Variants in KAZN observed in about 807,000 individuals in gnomAD.
KAZN encodes kazrin.
Under a neutral mutation model 87.4 loss-of-function variants are expected in KAZN, and 40 were observed. The ratio of observed to expected loss-of-function variants is 0.46; its 90% CI spans 0.36 to 0.60. KAZN has a LOEUF of 0.60. Ranked by LOEUF, KAZN falls within the 20% of genes least tolerant of loss-of-function variation. The pLI, the probability that KAZN is intolerant of heterozygous loss-of-function variation, is 0.00. For missense variants in KAZN, 898 were observed against 1,073.9 expected, an observed-to-expected ratio of 0.84 and a Z score of 2.29; for synonymous variants, 466 against 458.3, an observed-to-expected ratio of 1.02 and a Z score of -0.22.
In KAZN at chr1:14,342,542, T is replaced by A. The variant is rs533238364; in HGVS notation, c.249+161950T>A. Reference sequence around the variant, plus strand: ...CATATCCTCAGTGCCTAGAACAATATCTTGCAGAGTAGGCCTTCAATAAAT... The same window carrying A: ...CATATCCTCAGTGCCTAGAACAATAACTTGCAGAGTAGGCCTTCAATAAAT... On this transcript the variant is annotated intron_variant, in intron 2 of 16. Coordinates refer to the KAZN transcript ENST00000636203. Among the ~76,000 whole-genome samples, 5 of 152,354 alleles carry A rather than the reference T, an allele frequency of 3.3e-5. No individual in the cohort carries two copies. In the South Asian group the frequency reaches 1.0e-3, roughly 32 times the overall value.
chr1:14,816,733 T>A (rs1210922283), intron 1 of KAZN, among the ~76,000 whole-genome samples: 1 of 152,218 alleles, frequency 6.6e-6, no homozygotes, highest in South Asian at 2.1e-4. Flanking sequence ...CATATCTAGA[T>A]AGATAAATAT....
At chr1:14,818,844 C>A (rs1394656106) in intron 1 of KAZN, among the ~76,000 whole-genome samples, 1 of 152,120 alleles carries the variant, frequency 6.6e-6, no homozygotes, top group Non-Finnish European at 1.5e-5. Context: ...CACTTGAGGT[C>A]AGCAGTTCAA....
intron 1 of KAZN, among the ~76,000 whole-genome samples, chr1:14,022,668 G>A (rs1191266049): frequency 6.6e-6 from 1 of 152,016 alleles, no homozygotes; most frequent in Non-Finnish European, 1.5e-5. Flanking sequence ...GGTCTCAAGT[G>A]GTCTCATTGA....
rs1553150560 is a variant in KAZN at position 14,883,341 on chromosome 1, A to AGAGAGAGAAAGAAAGAAAG, written c.227-77341_227-77340insGAGAGAAAGAAAGAAAGGA. 7.1e-4 allele frequency among the ~76,000 whole-genome samples: 21 copies of AGAGAGAGAAAGAAAGAAAG among 29,542 alleles called. 5 individuals carry two copies. Among genetic ancestry groups the AGAGAGAGAAAGAAAGAAAG allele is most frequent in the Admixed American group, 1.4e-3 (3 of 2,094 alleles). The allele number at this position is 29,542 out of a possible 152,430, so 19.4% of individuals were successfully genotyped here. On this transcript the variant is annotated intron_variant, in intron 1 of 14. Transcript: ENST00000376030. Reference sequence around the variant, plus strand: ...GAAAGAGAGAGAGAGAGAGAGAGAGAGAAAGAAAGAAAGAAAAGAAAGAAA... The same window carrying AGAGAGAGAAAGAAAGAAAG: ...GAAAGAGAGAGAGAGAGAGAGAGAGAGAGAGAGAAAGAAAGAAAGGAAAGAAAGAAAGAAAAGAAAGAAA...
At chr1:14,704,624 C>T (rs1449892093) in intron 1 of KAZN, among the ~76,000 whole-genome samples, 2 of 152,196 alleles carry the variant, frequency 1.3e-5, no homozygotes, top group Non-Finnish European at 2.9e-5. Flanking sequence ...GTGGACATGA[C>T]ATCACGGGCT....
At chr1:14,991,174 G>A (rs950661790) in intron 2 of KAZN, among the ~76,000 whole-genome samples, 2 of 151,954 alleles carry the variant, frequency 1.3e-5, no homozygotes, top group African/African-American at 2.4e-5. Flanking sequence ...CCAAAATGGC[G>A]AAACCCCATC....
intron 1 of KAZN, among the ~76,000 whole-genome samples, chr1:14,630,318 G>A (rs1557849677): frequency 6.6e-6 from 1 of 152,236 alleles, no homozygotes; most frequent in South Asian, 2.1e-4. Flanking sequence ...GTGGATGGTG[G>A]GGGGAATTTA....
chr1:14,407,534 G>T (rs1402789134), intron 2 of KAZN, among the ~76,000 whole-genome samples: 2 of 152,164 alleles, frequency 1.3e-5, no homozygotes, highest in Admixed American at 1.3e-4. Context: ...AGTTGCAAGA[G>T]AAGATGTGAA....
At chr1:15,029,957 C>T (rs756390187) in intron 2 of KAZN, among the ~76,000 whole-genome samples, 1 of 152,180 alleles carries the variant, frequency 6.6e-6, no homozygotes, top group Admixed American at 6.5e-5. Context: ...CCTCCAGGAG[C>T]CACTCCCCAA....
chr1:14,361,378 G>C (rs2100980910), intron 2 of KAZN, among the ~76,000 whole-genome samples: 1 of 152,358 alleles, frequency 6.6e-6, no homozygotes, highest in South Asian at 2.1e-4. Context: ...GCTCTGTGGT[G>C]GTGGGACCTG....
chr1:14,039,169 CAAAAAAA>C (rs5772558), intron 1 of KAZN, among the ~76,000 whole-genome samples: 1 of 122,532 alleles, frequency 8.2e-6, no homozygotes, highest in Non-Finnish European at 1.8e-5. Context: ...GACTCTGTCT[CAAAAAAA>C]AAAAAAAAAA....
At chr1:14,499,165 G>A (rs576084188) in intron 2 of KAZN, among the ~76,000 whole-genome samples, 298 of 152,244 alleles carry the variant, frequency 2.0e-3, no homozygotes, top group African/African-American at 6.7e-3. Context: ...TGGACATCGG[G>A]TGACTGGAGT....
intron 2 of KAZN, among the ~76,000 whole-genome samples, chr1:14,556,334 C>T (rs1011004371): frequency 2.0e-5 from 3 of 152,078 alleles, no homozygotes; most frequent in Non-Finnish European, 2.9e-5. Context: ...TGGTCTCGAT[C>T]TCCTGACCTC....
At chr1:14,237,749 A>C (rs1359241175) in intron 2 of KAZN, among the ~76,000 whole-genome samples, 1 of 151,826 alleles carries the variant, frequency 6.6e-6, no homozygotes, top group African/African-American at 2.4e-5. Context: ...TGGGATTCCC[A>C]GTAGCTCATA....
chr1:14,018,851 T>A (rs1245584163), intron 1 of KAZN, among the ~76,000 whole-genome samples: 1 of 152,166 alleles, frequency 6.6e-6, no homozygotes, highest in Non-Finnish European at 1.5e-5. Flanking sequence ...CACCATTAGC[T>A]TCCCTGGCTC....
chr1:14,139,536 C>T (rs1048333703), intron 1 of KAZN, among the ~76,000 whole-genome samples: 10 of 152,188 alleles, frequency 6.6e-5, no homozygotes, highest in Admixed American at 1.3e-4. Context: ...CCTGGAGCTC[C>T]CAGCCCCATT....
intron 2 of KAZN, among the ~76,000 whole-genome samples, chr1:15,017,960 A>G (rs1207838186): frequency 2.6e-5 from 4 of 152,208 alleles, no homozygotes; most frequent in Non-Finnish European, 5.9e-5. Flanking sequence ...AAATTTTCAC[A>G]TATACTAACT....
At chr1:14,613,315 G>A (rs1158620108) in intron 1 of KAZN, among the ~76,000 whole-genome samples, 1 of 152,184 alleles carries the variant, frequency 6.6e-6, no homozygotes, top group Non-Finnish European at 1.5e-5. Context: ...ATAGTATGCC[G>A]CAAACTCCCA....
At position 14,950,466 on chromosome 1, in the gene KAZN, C is replaced by T. The variant is rs568520855; in HGVS notation, c.227-10218C>T. Reference sequence around the variant, plus strand: ...AGGGTCAGCCCCACAGAGGGAGTGACGCCAAGCCTAGGCTTACCTCTCCCC... The same window carrying T: ...AGGGTCAGCCCCACAGAGGGAGTGATGCCAAGCCTAGGCTTACCTCTCCCC... On this transcript the variant is annotated intron_variant, in intron 1 of 14. Coordinates refer to ENST00000376030, the MANE Select transcript of KAZN (RefSeq NM_201628.3). Among the ~76,000 whole-genome samples, 448 of 152,236 alleles carry T rather than the reference C, an allele frequency of 2.9e-3. 2 individuals are homozygous for T. Among genetic ancestry groups the T allele is most frequent in the Non-Finnish European group, 4.0e-3 (275 of 68,012 alleles).
Sources: allele counts gnomAD v4.1 joint callset (sites outside exome capture counted in the v4.1 genomes callset), GRCh38; gene constraint gnomAD v4.1.1; transcripts MANE v1.5; gene names NCBI Gene and HGNC (gene_info 2026-07-23, HGNC 2026-07-21).